SSC5D: variants seen among roughly 807,000 people sequenced by gnomAD.
SSC5D encodes the protein scavenger receptor cysteine rich family member with 5 domains, also known as soluble scavenger receptor cysteine-rich domain-containing protein SSC5D.
In SSC5D, 106 loss-of-function variants were observed where a neutral mutation model predicts 104.6. The observed-to-expected ratio is 1.01, with a 90% CI of 0.87 to 1.19. The LOEUF (loss-of-function observed/expected upper bound fraction) is 1.19, where lower values mean the gene tolerates loss of function less well. Among genes scored for constraint, SSC5D ranks in the 50% most tolerant of loss-of-function variants. The pLI, the probability that SSC5D is intolerant of heterozygous loss-of-function variation, is 0.00. For synonymous variants in SSC5D, 860 were observed against 883.5 expected, an observed-to-expected ratio of 0.97 and a Z score of 0.47; for missense variants, 1,993 against 2,153.8, an observed-to-expected ratio of 0.93 and a Z score of 1.48.
chr19:55,517,177 G>A, intron 13 of SSC5D, 47 bp from the exon 14 acceptor site: 1 of 1,480,324 alleles, frequency 6.8e-7, no homozygotes, highest in Non-Finnish European at 9.0e-7. Context: ...GTGGTGGGCG[G>A]AGCCGGTTGA....
rs1431988050 is a variant in SSC5D at position 55,500,300 on chromosome 19, C to T, written c.2190C>T (p.Ile730=). The change falls in exon 10 of 14, where the codon ATC becomes ATT. Residue 730 remains isoleucine, a synonymous_variant. Transcript: ENST00000389623. This position sits in a 1 kb window ranked among gnomAD's most constrained non-coding sequence, Gnocchi z 4.6. ...AAGAAATGACCTCTGAGTCCACTAT[C>T]AAGAGTATCCCTCAGGCCTCCCTGG... ...GPQEMTSEST[I]KSIPQASLEP... The T allele has an allele frequency of 6.4e-7, 1 of 1,551,582 alleles. No individual in the cohort carries two copies. The highest frequency in any genetic ancestry group is 8.7e-7 in the Non-Finnish European group (1 of 1,146,980).
At chr19:55,511,508 G>A (rs1040667175) in intron 12 of SSC5D, among the ~76,000 whole-genome samples, 4 of 152,176 alleles carry the variant, frequency 2.6e-5, no homozygotes, top group South Asian at 4.1e-4. Flanking sequence ...AAGCCTGCGC[G>A]TTGTGGTTGT....
chr19:55,489,183 T>A, intron 2 of SSC5D, 151 bp downstream of exon 2: 1 of 972,642 alleles, frequency 1.0e-6, no homozygotes, highest in Non-Finnish European at 1.4e-6. Flanking sequence ...ATCCCCCAGG[T>A]GTCTGGCCGC....
At chr19:55,515,460 G>A (rs1426375910) in intron 13 of SSC5D, among the ~76,000 whole-genome samples, 2 of 149,806 alleles carry the variant, frequency 1.3e-5, no homozygotes, top group Non-Finnish European at 3.0e-5. Flanking sequence ...TTTGCCGGGC[G>A]CAGTGGCCAC....
At position 55,497,880 on chromosome 19, in the gene SSC5D, G is replaced by C. The variant is rs1459946646; in HGVS notation, c.1388G>C (p.Gly463Ala). The change falls in exon 9 of 14, where the codon GGG (glycine) becomes GCG (alanine). Residue 463 changes from glycine (G) to alanine (A), a missense_variant and splice_region_variant. Physicochemically the swap from Gly to Ala is moderately conservative, Grantham distance 60. This residue lies in a region of SSC5D where 1,101 missense variants were observed against 1,085.0 expected (regional missense o/e 1.01). Transcript: ENST00000389623. ...TVLWEPGPEA[G>A]SPQLRLVAGP... is the part of the protein sequence containing the mutation. ...ATTCTTTGGGTCTCTTCTACCCCAG[G>C]GTCCCCCCAGCTGCGCCTGGTGGCT... 4.6e-6 allele frequency: 7 copies of C among 1,530,438 alleles called. No individual in the cohort carries two copies. In the Admixed American group the frequency reaches 6.0e-5, roughly 13 times the overall value. The allele number at this position is 1,530,438 out of a possible 1,614,324, so 94.8% of individuals were successfully genotyped here.
intron 7 of SSC5D, 125 bp from the exon 8 acceptor site, chr19:55,494,485 T>A (rs1987253628): frequency 9.0e-7 from 1 of 1,113,302 alleles, no homozygotes; most frequent in Non-Finnish European, 1.2e-6. Flanking sequence ...AGGGAGGAGG[T>A]TCGGCAGGAA....
chr19:55,501,645 C>A (rs1460553069), intron 12 of SSC5D, among the ~76,000 whole-genome samples: 3 of 152,172 alleles, frequency 2.0e-5, no homozygotes, highest in South Asian at 4.1e-4. Flanking sequence ...TCTCTCCTTA[C>A]CCTGGCCATC....
chr19:55,517,454 C>A lies in SSC5D; in HGVS notation c.3178C>A (p.Pro1060Thr). Reference sequence around the variant, plus strand: ...CCCAGACCCGGCCTCCCGGACGAACCCCGACCTCATCTTGACAAGCCCTGA... The same window carrying A: ...CCCAGACCCGGCCTCCCGGACGAACACCGACCTCATCTTGACAAGCCCTGA... ...PTPDPASRTN[P>T]DLILTSPDFA... The change falls in exon 14 of 14, where the codon CCC (proline) becomes ACC (threonine). Residue 1060 changes from proline (P) to threonine (T), a missense_variant. This residue lies in a region of SSC5D where 423 missense variants were observed against 409.2 expected (regional missense o/e 1.03). Transcript: ENST00000389623. The A allele has an allele frequency of 6.4e-7, 1 of 1,551,240 alleles. No individual in the cohort carries two copies. Among genetic ancestry groups the A allele is most frequent in the South Asian group, 1.2e-5 (1 of 84,048 alleles).
intron 8 of SSC5D, 65 bp from the exon 9 acceptor site, chr19:55,497,815 G>A: frequency 7.6e-7 from 1 of 1,321,212 alleles, no homozygotes; most frequent in South Asian, 1.5e-5. Flanking sequence ...AGGGAAAGGT[G>A]GATGAAGAGT....
In SSC5D at chr19:55,517,577, G is replaced by C; in HGVS notation, c.3301G>C (p.Asp1101His). 2 of 1,551,350 alleles carry C rather than the reference G, an allele frequency of 1.3e-6. No individual in the cohort carries two copies. Among genetic ancestry groups the C allele is most frequent in the East Asian group, 4.9e-5 (2 of 40,876 alleles). Residue 1101 changes from aspartate to histidine, a missense_variant, in exon 14 of 14, where the codon GAC becomes CAC. Transcript: ENST00000389623. ...CACCTTGCCCAAAGAGCTGACCTCT[G>C]ACCCTTCTACACCGTCGGAGGTGAC... Reference protein sequence around the residue: ...LPTLPKELTSDPSTPSEVTSL... With the variant: ...LPTLPKELTSHPSTPSEVTSL...
intron 12 of SSC5D, chr19:55,504,219 C>T: frequency 6.5e-7 from 1 of 1,532,170 alleles, no homozygotes; most frequent in Non-Finnish European, 8.7e-7. Context: ...GAGGCGGGCA[C>T]GTGCCGGGCA....
At position 55,517,362 on chromosome 19, in the gene SSC5D, A is replaced by T; in HGVS notation, c.3086A>T (p.Glu1029Val). 1 of 1,549,836 alleles carries T rather than the reference A, an allele frequency of 6.5e-7. No homozygotes were observed. The change falls in exon 14 of 14, where the codon GAG becomes GTG. Residue 1029 changes from glutamate (E) to valine (V), a missense_variant. Glu to Val is a moderately radical substitution (Grantham distance 121). Around this residue, in one of 6 missense-constraint regions of SSC5D, gnomAD observed 423 missense variants for 409.2 expected, o/e 1.03. Transcript: ENST00000389623. ...GPALTSDSSR[E>V]LTPHSALTSE... Reference sequence around the variant, plus strand: ...GCGCTGACCTCTGACTCCAGTCGAGAGCTCACTCCCCACTCAGCCTTGACG... The same window carrying T: ...GCGCTGACCTCTGACTCCAGTCGAGTGCTCACTCCCCACTCAGCCTTGACG...
At chr19:55,489,247 G>A (rs1049142347) in intron 2 of SSC5D, 107 bp from the exon 3 acceptor site, 1 of 1,289,126 alleles carries the variant, frequency 7.8e-7, no homozygotes, top group East Asian at 2.9e-5. Flanking sequence ...CAGGGCCACT[G>A]GCCTACAGAC....
chr19:55,518,953 C>A lies in SSC5D; in HGVS notation c.4677C>A (p.Thr1559=). ...CCACCAGCATGCCTGCACCAACCACCACTACCCCAGAGGAAGAAGAAAGAC... is the reference window on the plus strand; with the variant it reads ...CCACCAGCATGCCTGCACCAACCACAACTACCCCAGAGGAAGAAGAAAGAC... ...AWTTSMPAPT[T]TTPEEEERPL... Residue 1559 remains threonine (T), a synonymous_variant, in exon 14 of 14, where the codon ACC becomes ACA. Coordinates refer to ENST00000389623, the MANE Select transcript of SSC5D (RefSeq NM_001144950.2). The A allele has an allele frequency of 1.9e-6, 3 of 1,550,454 alleles. No individual in the cohort carries two copies. The highest frequency in any genetic ancestry group is 2.6e-6 in the Non-Finnish European group (3 of 1,146,964).
chr19:55,517,092 C>T (rs1599931364), intron 13 of SSC5D, 132 bp from the exon 14 acceptor site: 1 of 829,768 alleles, frequency 1.2e-6, no homozygotes, highest in Non-Finnish European at 1.8e-6. Flanking sequence ...CGGGTGAAGT[C>T]TGCCGGTGAC....
chr19:55,509,913 A>G (rs1987720114), intron 12 of SSC5D, among the ~76,000 whole-genome samples: 1 of 151,482 alleles, frequency 6.6e-6, no homozygotes, highest in Non-Finnish European at 1.5e-5. Context: ...GCGTATGAGA[A>G]TGAGAAACCA....
chr19:55,508,725 C>T lies in SSC5D; in HGVS notation c.2786-4286C>T, dbSNP rs1367541163. Among the ~76,000 whole-genome samples, 31 of 65,792 alleles carry T rather than the reference C, an allele frequency of 4.7e-4. 1 individual carries two copies. Among genetic ancestry groups the T allele is most frequent in the African/African-American group, 1.9e-3 (31 of 16,504 alleles). The allele number at this position is 65,792 out of a possible 152,430, so 43.2% of individuals were successfully genotyped here. On this transcript the variant is annotated intron_variant, in intron 12 of 13. Transcript: ENST00000389623. ...ACTAACTCCTATACAGCAGGGATGG[C>T]CTCATCCACAGGGGATGGGGGGAGG...
chr19:55,488,496 CACTT>C lies in SSC5D; in HGVS notation c.-93_-90del. 1 of 1,149,006 alleles carries C rather than the reference CACTT, an allele frequency of 8.7e-7. No homozygotes were observed. The highest frequency in any genetic ancestry group is 1.3e-6 in the Non-Finnish European group (1 of 788,702). 71.2% of individuals were successfully genotyped at this position (1,149,006 alleles called of 1,614,324 possible). A position where few individuals can be genotyped will look rare whatever the true frequency, so the allele number is the denominator to read the frequency against. Reference sequence around the variant, plus strand: ...CTCGGGCCTGGGCGCCTCCAGCAGGCACTTCCCTCCCTCCCTCTCTCCCCAGCTG... The same window carrying C: ...CTCGGGCCTGGGCGCCTCCAGCAGGCCCCTCCCTCCCTCTCTCCCCAGCTG... On this transcript the variant is annotated 5_prime_UTR_variant, in exon 1 of 14. Transcript: ENST00000389623.
chr19:55,488,995 C>T lies in SSC5D; in HGVS notation c.26-11C>T, dbSNP rs748227972. On this transcript the variant is annotated splice_polypyrimidine_tract_variant and intron_variant, in intron 1 of 13. Coordinates refer to ENST00000389623, the MANE Select transcript of SSC5D (RefSeq NM_001144950.2). ...CCCTCACACTGCCCCACCCTCCGCC[C>T]TCCCTTCCAGCGGCCCTGGTGGGGA... is the stretch of plus-strand genomic sequence containing the variant. 2.6e-5 allele frequency: 38 copies of T among 1,439,152 alleles called. 2 individuals carry two copies. In the East Asian group the frequency reaches 6.3e-4, roughly 24 times the overall value. 89.1% of individuals were successfully genotyped at this position (1,439,152 alleles called of 1,614,324 possible). A position where few individuals can be genotyped will look rare whatever the true frequency, so the allele number is the denominator to read the frequency against.
Sources: allele counts gnomAD v4.1 joint callset (sites outside exome capture counted in the v4.1 genomes callset), GRCh38; gene constraint gnomAD v4.1.1; regional missense constraint gnomAD v4.1.1; non-coding constraint Gnocchi (gnomAD v3.1); transcripts MANE v1.5; gene names NCBI Gene and HGNC (gene_info 2026-07-23, HGNC 2026-07-21).